Variants in PMFBP1 observed in about 807,000 individuals in gnomAD.
PMFBP1 encodes the protein polyamine modulated factor 1 binding protein 1, also known as polyamine-modulated factor 1-binding protein 1.
PMFBP1 carries 131 observed loss-of-function variants against 137.8 expected under a neutral mutation model. The ratio of observed to expected loss-of-function variants is 0.95; its 90% CI spans 0.82 to 1.10. PMFBP1 has a LOEUF of 1.10. Among genes scored for constraint, PMFBP1 ranks in the 50% least tolerant of loss-of-function variants. The probability of loss-of-function intolerance (pLI) is 0.00; values close to 1 mark genes in which losing one functional copy is unlikely to be tolerated. For synonymous variants in PMFBP1, 490 were observed against 450.4 expected (o/e 1.09, Z -1.11); for missense variants, 1,199 against 1,175.4 (o/e 1.02, Z -0.29).
In PMFBP1 at chr16:72,132,758, C is replaced by T; in HGVS notation, c.1437G>A (p.Glu479=). Residue 479 remains glutamate, a synonymous_variant, in exon 10 of 21, where the codon GAG becomes GAA. Coordinates refer to ENST00000237353, the MANE Select transcript of PMFBP1 (RefSeq NM_031293.3). The stretch of plus-strand genomic sequence containing the variant: ...CTGCAGGGGCCTCACCAGCCAGCCT[C>T]TCCTGCTGCTTGGCCTCTTCGAGAC... The part of the protein sequence containing the change: ...KNSLEEAKQQ[E]RLAAQQAAQC... 1 of 1,614,216 alleles carries T rather than the reference C, an allele frequency of 6.2e-7. No individual in the cohort carries two copies. Among genetic ancestry groups the T allele is most frequent in the South Asian group, 1.1e-5 (1 of 91,080 alleles).
chr16:72,162,494 T>C (rs2043078067), intron 3 of PMFBP1, among the ~76,000 whole-genome samples: 1 of 152,240 alleles, frequency 6.6e-6, no homozygotes, highest in Non-Finnish European at 1.5e-5. Context: ...CCCCAGCTCC[T>C]TGTTAGAGAG....
At chr16:72,226,482 C>T in the PMFBP1 span, among the ~76,000 whole-genome samples, 1 of 152,168 alleles carries the variant, frequency 6.6e-6, no homozygotes, top group Admixed American at 6.5e-5. Flanking sequence ...GTGACTGTTT[C>T]TGCCCCCATT....
At chr16:72,144,618 A>G (rs755051573) in intron 5 of PMFBP1, among the ~76,000 whole-genome samples, 8 of 152,316 alleles carry the variant, frequency 5.3e-5, no homozygotes, top group Non-Finnish European at 5.9e-5. Context: ...TATATTCCAG[A>G]TGGACTAAAG....
chr16:72,233,030 A>T, the PMFBP1 span, among the ~76,000 whole-genome samples: 4 of 152,132 alleles, frequency 2.6e-5, no homozygotes, highest in African/African-American at 9.7e-5. Context: ...AAAACTTACA[A>T]AGCCATTTAT....
At chr16:72,235,053 A>G in the PMFBP1 span, among the ~76,000 whole-genome samples, 1 of 152,078 alleles carries the variant, frequency 6.6e-6, no homozygotes. Context: ...TTTGATGTCC[A>G]ATTTGTCTAT....
At position 72,132,893 on chromosome 16, in the gene PMFBP1, C is replaced by G; in HGVS notation, c.1302G>C (p.Gln434His). ...LLKKEKELEK[Q>H]QCMATELEMT... ...TTTCAAGTTCTGTGGCCATGCACTG[C>G]TGCTTCTCCAGCTCCTTCTCCTTTT... The change falls in exon 10 of 21, where the codon CAG becomes CAC. Residue 434 changes from glutamine to histidine, a missense_variant. Gln to His is a conservative substitution (Grantham distance 24, BLOSUM62 0). Coordinates refer to ENST00000237353, the MANE Select transcript of PMFBP1 (RefSeq NM_031293.3). The G allele has an allele frequency of 6.2e-7, 1 of 1,614,236 alleles. No homozygotes were observed. Among genetic ancestry groups the G allele is most frequent in the Non-Finnish European group, 8.5e-7 (1 of 1,180,038 alleles).
chr16:72,192,699 C>A, the PMFBP1 span, among the ~76,000 whole-genome samples: 1 of 151,912 alleles, frequency 6.6e-6, no homozygotes, highest in African/African-American at 2.4e-5. Flanking sequence ...GTCAGGAGAT[C>A]AAGACCATCC....
the PMFBP1 span, among the ~76,000 whole-genome samples, chr16:72,243,175 C>T: frequency 1.3e-5 from 2 of 152,344 alleles, no homozygotes; most frequent in South Asian, 2.1e-4. Flanking sequence ...TTAGGTGGAT[C>T]TTCCTGCCAA....
the PMFBP1 span, among the ~76,000 whole-genome samples, chr16:72,209,168 A>G: frequency 6.6e-6 from 1 of 152,160 alleles, no homozygotes; most frequent in Non-Finnish European, 1.5e-5. Context: ...AGAGCGTACA[A>G]ATAGCCCTCA....
the PMFBP1 span, among the ~76,000 whole-genome samples, chr16:72,187,023 G>A: frequency 6.6e-6 from 1 of 150,924 alleles, no homozygotes. Flanking sequence ...TGAGGCAGGA[G>A]AATCGCTTGA....
intron 4 of PMFBP1, among the ~76,000 whole-genome samples, chr16:72,153,727 T>G (rs2042937621): frequency 6.7e-6 from 1 of 149,062 alleles, no homozygotes; most frequent in South Asian, 2.2e-4. Context: ...CCTGGTACTC[T>G]CAATGATTGA....
At chr16:72,194,016 G>T in the PMFBP1 span, among the ~76,000 whole-genome samples, 2 of 150,470 alleles carry the variant, frequency 1.3e-5, no homozygotes, top group South Asian at 4.2e-4. Context: ...TAAAAGACTG[G>T]TCAAATATTT....
intron 3 of PMFBP1, among the ~76,000 whole-genome samples, chr16:72,159,945 G>T (rs1310303191): frequency 2.0e-5 from 3 of 152,140 alleles, no homozygotes; most frequent in Non-Finnish European, 1.5e-5. Flanking sequence ...ATGACCATCT[G>T]GAGTGAGATG....
At chr16:72,163,075 T>C (rs998325981) in intron 3 of PMFBP1, among the ~76,000 whole-genome samples, 2 of 152,150 alleles carry the variant, frequency 1.3e-5, no homozygotes, top group African/African-American at 2.4e-5. Context: ...ATAGATGCAA[T>C]GAAAAGAGGC....
the PMFBP1 span, among the ~76,000 whole-genome samples, chr16:72,213,649 T>C: frequency 1.3e-5 from 2 of 152,220 alleles, no homozygotes; most frequent in South Asian, 4.1e-4. Flanking sequence ...CTAATCCAAG[T>C]CTGGTTATTT....
At chr16:72,192,693 G>A in the PMFBP1 span, among the ~76,000 whole-genome samples, 1 of 152,028 alleles carries the variant, frequency 6.6e-6, no homozygotes, top group African/African-American at 2.4e-5. Flanking sequence ...TCCCACGTCA[G>A]GAGATCAAGA....
the PMFBP1 span, among the ~76,000 whole-genome samples, chr16:72,187,170 T>C: frequency 6.6e-6 from 1 of 151,948 alleles, no homozygotes; most frequent in Admixed American, 6.6e-5. Flanking sequence ...GAAACTTAAC[T>C]TCTGAAGAAA....
chr16:72,136,464 G>A lies in PMFBP1; in HGVS notation c.1187C>T (p.Thr396Ile). Residue 396 changes from threonine to isoleucine, a missense_variant, in exon 9 of 21, where the codon ACT becomes ATT. Physicochemically the swap from Thr to Ile is moderately conservative, Grantham distance 89. Transcript: ENST00000237353. ...TCACTTTACCTTGTCTTTCTTCAAA[G>A]TGAGCTTTTGGGTCTCGGTGAACTC... is the stretch of plus-strand genomic sequence containing the variant. ...QLEFTETQKL[T>I]LKKDKFLQEK... The A allele has an allele frequency of 1.2e-6, 2 of 1,613,676 alleles. No homozygotes were observed. The highest frequency in any genetic ancestry group is 1.7e-6 in the Non-Finnish European group (2 of 1,179,848).
chr16:72,122,692 C>T (rs190824184), intron 19 of PMFBP1, among the ~76,000 whole-genome samples: 28 of 152,334 alleles, frequency 1.8e-4, no homozygotes, highest in Admixed American at 1.7e-3. Context: ...AAAAAGACTA[C>T]TAAACTCCCT....
Sources: gnomAD v4.1 joint callset for allele counts (sites outside exome capture counted in the v4.1 genomes callset) on GRCh38, gnomAD v4.1.1 for gene constraint, MANE v1.5 for transcripts, NCBI Gene and HGNC (gene_info 2026-07-23, HGNC 2026-07-21) for gene names.